The following MAPKAP1 variants were observed in gnomAD, a reference collection of about 807,000 sequenced individuals.
MAPKAP1 encodes target of rapamycin complex 2 subunit MAPKAP1.
A neutral mutation model predicts 65.7 loss-of-function variants in MAPKAP1; 20 were observed. The ratio of observed to expected loss-of-function variants is 0.30; its 90% confidence interval spans 0.21 to 0.44. The LOEUF (loss-of-function observed/expected upper bound fraction) is 0.44, where lower values mean the gene tolerates loss of function less well. Ranked by LOEUF, MAPKAP1 falls within the 20% of genes least tolerant of loss-of-function variation. The probability of loss-of-function intolerance (pLI) is 1.00; values close to 1 mark genes in which losing one functional copy is unlikely to be tolerated. For synonymous variants in MAPKAP1, 222 were observed against 244.3 expected, an observed-to-expected ratio of 0.91 and a Z score of 0.85; for missense variants, 423 against 648.0, an observed-to-expected ratio of 0.65 and a Z score of 3.77.
intron 7 of MAPKAP1, among the ~76,000 whole-genome samples, chr9:125,539,531 T>G (rs1830177912): frequency 6.6e-6 from 1 of 152,234 alleles, no homozygotes; most frequent in Admixed American, 6.5e-5. Context: ...AACATAATGC[T>G]TCAGAAGGCT....
At chr9:125,471,429 G>A (rs948323344) in intron 9 of MAPKAP1, 1 of 152,964 alleles carries the variant, frequency 6.5e-6, no homozygotes, top group Admixed American at 6.5e-5. Flanking sequence ...GGGTGCAGTG[G>A]GGATGAGCAT....
intron 7 of MAPKAP1, among the ~76,000 whole-genome samples, chr9:125,530,639 A>G (rs1181938819): frequency 6.6e-6 from 1 of 152,230 alleles, no homozygotes; most frequent in African/African-American, 2.4e-5. Flanking sequence ...ATTAGTAAAA[A>G]AAATCATTTG....
intron 8 of MAPKAP1, among the ~76,000 whole-genome samples, chr9:125,492,035 TAA>T (rs33954490): frequency 2.2e-4 from 28 of 125,352 alleles, no homozygotes; most frequent in African/African-American, 2.4e-4. Flanking sequence ...TACTGAAAGT[TAA>T]AAAAAAAAAA....
rs79208596 is a variant in MAPKAP1 at position 125,611,198 on chromosome 9, A to C, written c.499-25471T>G. 2.5e-3 allele frequency among the ~76,000 whole-genome samples: 374 copies of C among 152,300 alleles called. 4 individuals carry two copies. The East Asian group carries it at 0.054, about 22-fold the overall frequency. ...TAAGGGTGCTCACTGAACTTTTACTAATAAAATTACTACACTTTTCGTAAT... is the reference window on the plus strand; with the variant it reads ...TAAGGGTGCTCACTGAACTTTTACTCATAAAATTACTACACTTTTCGTAAT... On this transcript the variant is annotated intron_variant, in intron 4 of 11. Transcript: ENST00000265960.
chr9:125,702,283 C>T (rs1835623387), intron 1 of MAPKAP1, among the ~76,000 whole-genome samples: 1 of 152,082 alleles, frequency 6.6e-6, no homozygotes, highest in Admixed American at 6.6e-5. Flanking sequence ...GCCTGTAGTC[C>T]CAGCACTTTG....
At chr9:125,620,245 G>A (rs1402252735) in intron 4 of MAPKAP1, among the ~76,000 whole-genome samples, 2 of 152,176 alleles carry the variant, frequency 1.3e-5, no homozygotes, top group African/African-American at 4.8e-5. Flanking sequence ...GGAGGTGGAG[G>A]TTAAGTGAGC....
At chr9:125,468,674 G>A (rs922470360) in intron 9 of MAPKAP1, among the ~76,000 whole-genome samples, 1 of 152,172 alleles carries the variant, frequency 6.6e-6, no homozygotes, top group African/African-American at 2.4e-5. Context: ...CTATATTTAA[G>A]GGAAGTCACG....
rs546981612 is a variant in MAPKAP1 at position 125,613,124 on chromosome 9, T to C, written c.499-27397A>G. Among the ~76,000 whole-genome samples, 4 of 152,248 alleles carry C rather than the reference T, an allele frequency of 2.6e-5. No individual in the cohort carries two copies. The South Asian group carries it at 8.3e-4, about 32-fold the overall frequency. On this transcript the variant is annotated intron_variant, in intron 4 of 11. Coordinates refer to ENST00000265960, the MANE Select transcript of MAPKAP1 (RefSeq NM_001006617.3). ...GTGTTAGTCATGACCTCAAGACCAG[T>C]GGTAGAAACAGGACTGTAGATCATT...
At chr9:125,541,455 T>C (rs490234) in intron 7 of MAPKAP1, among the ~76,000 whole-genome samples, 75,182 of 151,978 alleles carry the variant, frequency 0.49, 19,215 homozygotes, top group East Asian at 0.67. Flanking sequence ...ATGCATTATA[T>C]CACAAATATA....
chr9:125,534,012 A>T (rs1360147689), intron 7 of MAPKAP1, among the ~76,000 whole-genome samples: 2 of 152,202 alleles, frequency 1.3e-5, no homozygotes, highest in African/African-American at 4.8e-5. Context: ...ACATTGAGTT[A>T]AAAAAGTAAA....
At chr9:125,525,445 G>T (rs1448296374) in intron 7 of MAPKAP1, among the ~76,000 whole-genome samples, 1 of 151,954 alleles carries the variant, frequency 6.6e-6, no homozygotes. Flanking sequence ...AGGCTGAGGT[G>T]GGCAGATCAC....
At position 125,506,401 on chromosome 9, in the gene MAPKAP1, C is replaced by T; in HGVS notation, c.975G>A (p.Leu325=). Residue 325 remains leucine (L), a synonymous_variant, in exon 8 of 12, where the codon CTG becomes CTA. Coordinates refer to ENST00000265960, the MANE Select transcript of MAPKAP1 (RefSeq NM_001006617.3). ...SQKVSGPQYR[L]EKQSEPNVAV... ...CGACATTGGGCTCGCTCTGCTTCTCCAGGCGGTACTGAGGGCCTGGAAGAT... is the reference window on the plus strand; with the variant it reads ...CGACATTGGGCTCGCTCTGCTTCTCTAGGCGGTACTGAGGGCCTGGAAGAT... The T allele has an allele frequency of 6.2e-7, 1 of 1,614,098 alleles. No homozygotes were observed. The highest frequency in any genetic ancestry group is 8.5e-7 in the Non-Finnish European group (1 of 1,180,012).
intron 4 of MAPKAP1, among the ~76,000 whole-genome samples, chr9:125,637,435 G>GA (rs1321047964): frequency 6.6e-6 from 1 of 152,070 alleles, no homozygotes; most frequent in Non-Finnish European, 1.5e-5. Context: ...CCAGATGTAT[G>GA]AAAAAATTAG....
rs370495455 is a variant in MAPKAP1 at position 125,691,261 on chromosome 9, AAAAACAAAAC to A, written c.-70+15700_-70+15709del. On this transcript the variant is annotated intron_variant, in intron 1 of 11. Transcript: ENST00000265960. Reference sequence around the variant, plus strand: ...GGGTGACAGAGCAAGACTCCGTCTCAAAAACAAAACAAAACAAAACAAAACAAAACTGGTA... The same window carrying A: ...GGGTGACAGAGCAAGACTCCGTCTCAAAAACAAAACAAAACAAAACTGGTA... 4.6e-3 allele frequency among the ~76,000 whole-genome samples: 693 copies of A among 152,236 alleles called. 7 individuals carry two copies. The highest frequency in any genetic ancestry group is 0.015 in the African/African-American group (612 of 41,522).
rs139627053 is a variant in MAPKAP1 at position 125,450,109 on chromosome 9, C to T, written c.1346-5511G>A. Among the ~76,000 whole-genome samples, 810 of 152,024 alleles carry T rather than the reference C, an allele frequency of 5.3e-3. 6 individuals are homozygous for T. Among genetic ancestry groups the T allele is most frequent in the African/African-American group, 0.018 (761 of 41,440 alleles). On this transcript the variant is annotated intron_variant, in intron 10 of 11. Coordinates refer to ENST00000265960, the MANE Select transcript of MAPKAP1 (RefSeq NM_001006617.3). ...GGCTATCATTTTTTTTACTTTCCAT[C>T]TGCCTTAAGAAAAGTCTCAAGGGAG...
chr9:125,582,500 C>T (rs941738813), intron 5 of MAPKAP1, among the ~76,000 whole-genome samples: 1 of 152,156 alleles, frequency 6.6e-6, no homozygotes, highest in African/African-American at 2.4e-5. Context: ...GATATTGCCA[C>T]CACCCTCCAC....
chr9:125,483,503 T>C (rs1589227367), intron 9 of MAPKAP1, among the ~76,000 whole-genome samples: 1 of 152,206 alleles, frequency 6.6e-6, no homozygotes, highest in East Asian at 1.9e-4. Context: ...ATAAAATAAA[T>C]GAACCCTAAG....
At chr9:125,625,264 A>T (rs1470475044) in intron 4 of MAPKAP1, among the ~76,000 whole-genome samples, 29 of 138,270 alleles carry the variant, frequency 2.1e-4, no homozygotes, top group East Asian at 4.0e-4. Flanking sequence ...ATAAAAAAAA[A>T]AAAAAAAAAA....
At chr9:125,444,479 T>C in intron 11 of MAPKAP1, 22 bp downstream of exon 11, 1 of 1,579,880 alleles carries the variant, frequency 6.3e-7, no homozygotes, top group Non-Finnish European at 8.7e-7. Context: ...ACCCTGTCTC[T>C]GGTTCAAGAA....
Sources: allele counts gnomAD v4.1 joint callset (sites outside exome capture counted in the v4.1 genomes callset), GRCh38; gene constraint gnomAD v4.1.1; transcripts MANE v1.5; gene names NCBI Gene and HGNC (gene_info 2026-07-23, HGNC 2026-07-21).